Variants in CDIN1 observed in about 807,000 individuals in gnomAD.
The protein encoded by CDIN1 is CDAN1-interacting nuclease 1.
CDIN1 carries 33 observed loss-of-function variants against 45.3 expected under a neutral mutation model. The observed-to-expected ratio is 0.73, with a 90% CI of 0.55 to 0.97. The LOEUF is 0.97. Ranked by LOEUF, CDIN1 falls within the 50% of genes least tolerant of loss-of-function variation. The probability of loss-of-function intolerance (pLI) is 0.00; values close to 1 mark genes in which losing one functional copy is unlikely to be tolerated. For synonymous variants in CDIN1, 118 were observed against 124.4 expected, an observed-to-expected ratio of 0.95 and a Z score of 0.34; for missense variants, 303 against 339.4, an observed-to-expected ratio of 0.89 and a Z score of 0.84.
At chr15:36,675,066 A>C (rs557939058) in intron 5 of CDIN1, among the ~76,000 whole-genome samples, 6 of 152,044 alleles carry the variant, frequency 3.9e-5, no homozygotes, top group Non-Finnish European at 8.8e-5. Flanking sequence ...CCACTGAAAT[A>C]CTCCAAGCTC....
Position 36,713,813 on chromosome 15 carries a change from C to T in CDIN1, c.716+3852C>T, listed in dbSNP as rs79410935. On this transcript the variant is annotated intron_variant, in intron 10 of 10. Transcript: ENST00000566621. ...GGCTGACATCTCTTTGAGAAACCTT[C>T]CTGCCTTCTAGGATTGGGTTTGATG... Among the ~76,000 whole-genome samples the T allele has an allele frequency of 3.7e-3, 560 of 152,316 alleles. 8 individuals are homozygous for T. Among genetic ancestry groups the T allele is most frequent in the African/African-American group, 0.013 (534 of 41,570 alleles).
chr15:36,666,417 T>G (rs2041250986), intron 5 of CDIN1, among the ~76,000 whole-genome samples: 1 of 152,196 alleles, frequency 6.6e-6, no homozygotes, highest in South Asian at 2.1e-4. Context: ...TCTACTGATC[T>G]TTATCTGTAT....
At chr15:36,679,722 A>T (rs954794591) in intron 5 of CDIN1, among the ~76,000 whole-genome samples, 1 of 152,130 alleles carries the variant, frequency 6.6e-6, no homozygotes, top group Non-Finnish European at 1.5e-5. Context: ...TTATCTGGGG[A>T]TGCTTGCTCT....
In CDIN1 at chr15:36,645,260, C is replaced by G; in HGVS notation, c.185C>G (p.Ser62Trp). 6.4e-7 allele frequency: 1 copy of G among 1,553,290 alleles called. No individual in the cohort carries two copies. Among genetic ancestry groups the G allele is most frequent in the Non-Finnish European group, 8.7e-7 (1 of 1,147,558 alleles). The change falls in exon 3 of 11, where the codon TCG (serine) becomes TGG (tryptophan). Residue 62 changes from serine to tryptophan, a missense_variant. Physicochemically the swap from Ser to Trp is radical, Grantham distance 177. Transcript: ENST00000566621. ...IKRTHAKHHT[S>W]EAIESYYQRY... is the part of the protein sequence containing the mutation. ...AGAACACATGCCAAACATCATACTT[C>G]GGAAGCAATTGAAAGTTATTACCAG... is the stretch of plus-strand genomic sequence containing the variant.
intron 5 of CDIN1, among the ~76,000 whole-genome samples, chr15:36,670,640 G>A (rs965141671): frequency 6.6e-6 from 1 of 152,024 alleles, no homozygotes; most frequent in African/African-American, 2.4e-5. Flanking sequence ...CAAAAATGCT[G>A]GATGATCAGT....
intron 10 of CDIN1, among the ~76,000 whole-genome samples, chr15:36,717,277 C>T (rs1433775517): frequency 1.3e-5 from 2 of 152,040 alleles, no homozygotes; most frequent in Non-Finnish European, 2.9e-5. Flanking sequence ...GTGAGCATAC[C>T]TGCCACCCCT....
chr15:36,604,318 G>A (rs563894006), intron 1 of CDIN1, among the ~76,000 whole-genome samples: 18 of 149,674 alleles, frequency 1.2e-4, no homozygotes, highest in African/African-American at 3.7e-4. Context: ...ATAAATTTAA[G>A]TGTAATTTAT....
intron 4 of CDIN1, among the ~76,000 whole-genome samples, chr15:36,656,263 G>A (rs1049907618): frequency 1.3e-5 from 2 of 151,982 alleles, no homozygotes; most frequent in Non-Finnish European, 2.9e-5. Flanking sequence ...ATTTAATCAG[G>A]GGAAACTATA....
At chr15:36,614,900 A>G (rs11854811) in intron 1 of CDIN1, among the ~76,000 whole-genome samples, 24,585 of 152,152 alleles carry the variant, frequency 0.16, 2,311 homozygotes, top group African/African-American at 0.26. Flanking sequence ...TTTTTGTCCC[A>G]TCTCTACCCC....
At chr15:36,765,459 G>A (rs958630736) in intron 10 of CDIN1, among the ~76,000 whole-genome samples, 6 of 152,002 alleles carry the variant, frequency 3.9e-5, no homozygotes, top group African/African-American at 9.7e-5. Context: ...TAACCAACAC[G>A]GTAGGTGAGA....
At position 36,665,400 on chromosome 15, in the gene CDIN1, T is replaced by C. The variant is rs984623718; in HGVS notation, c.346+7495T>C. On this transcript the variant is annotated intron_variant, in intron 5 of 10. Coordinates refer to ENST00000566621, the MANE Select transcript of CDIN1 (RefSeq NM_001321759.2). ...TCTTGAAATTCAAAAATAATCTACC[T>C]TGGCTATTAATGTTGATATTTTACT... Among the ~76,000 whole-genome samples the C allele has an allele frequency of 9.2e-5, 14 of 152,180 alleles. 1 individual carries two copies. The highest frequency in any genetic ancestry group is 6.3e-3 in the Middle Eastern group (2 of 316).
Position 36,650,534 on chromosome 15 carries a change from C to G in CDIN1, c.213-3564C>G, listed in dbSNP as rs549837883. Among the ~76,000 whole-genome samples the G allele has an allele frequency of 1.4e-4, 22 of 151,946 alleles. No individual in the cohort carries two copies. In the East Asian group the frequency reaches 4.1e-3, roughly 28 times the overall value. ...CTTGGCTCACTGCAAACTCCACCTC[C>G]CAGGTTCAAGAGATTTTTGTGCCTC... On this transcript the variant is annotated intron_variant, in intron 3 of 10. Coordinates refer to ENST00000566621, the MANE Select transcript of CDIN1 (RefSeq NM_001321759.2).
At chr15:36,723,520 T>C (rs539542060) in intron 10 of CDIN1, among the ~76,000 whole-genome samples, 1 of 152,186 alleles carries the variant, frequency 6.6e-6, no homozygotes, top group Non-Finnish European at 1.5e-5. Flanking sequence ...CTAATTACCT[T>C]TCATTGGTTT....
chr15:36,586,115 AG>A (rs749196423), intron 1 of CDIN1, among the ~76,000 whole-genome samples: 17 of 152,082 alleles, frequency 1.1e-4, no homozygotes, highest in Non-Finnish European at 2.2e-4. Flanking sequence ...TCCGGCTCCT[AG>A]AACCTTCGAG....
chr15:36,777,234 A>C (rs540219542), intron 10 of CDIN1, among the ~76,000 whole-genome samples: 12 of 152,312 alleles, frequency 7.9e-5, no homozygotes, highest in African/African-American at 2.9e-4. Flanking sequence ...GTTGTGGCTA[A>C]TTAGTGACGG....
At chr15:36,701,816 T>C (rs2042656258) in intron 8 of CDIN1, among the ~76,000 whole-genome samples, 1 of 152,212 alleles carries the variant, frequency 6.6e-6, no homozygotes, top group Non-Finnish European at 1.5e-5. Flanking sequence ...GTGTAGCATT[T>C]GTGTATTACT....
At chr15:36,582,583 G>A (rs933684454) in intron 1 of CDIN1, among the ~76,000 whole-genome samples, 7 of 152,118 alleles carry the variant, frequency 4.6e-5, no homozygotes, top group Non-Finnish European at 8.8e-5. Context: ...TGAATACAGC[G>A]CAAAAGGAAA....
In CDIN1 at chr15:36,756,015, G is replaced by A. The variant is rs1686183793; in HGVS notation, c.716+46054G>A. On this transcript the variant is annotated intron_variant, in intron 10 of 10. Transcript: ENST00000566621. ...CACTTACCAGGTCTTTATCACCTCTGTGCTGAGTCCAGCAAGGAGAAGCGT... is the reference window on the plus strand; with the variant it reads ...CACTTACCAGGTCTTTATCACCTCTATGCTGAGTCCAGCAAGGAGAAGCGT... 6.6e-6 allele frequency: 3 copies of A among 455,622 alleles called. No individual in the cohort carries two copies. The Admixed American group carries it at 7.1e-5, about 11-fold the overall frequency. 28.2% of individuals were successfully genotyped at this position (455,622 alleles called of 1,614,324 possible).
intron 8 of CDIN1, chr15:36,701,884 C>T (rs1051355121): frequency 5.3e-5 from 31 of 584,894 alleles, no homozygotes; most frequent in South Asian, 3.1e-4. Flanking sequence ...TGAAGGATGT[C>T]CCTTGTCGTA....
Sources: allele counts gnomAD v4.1 joint callset (sites outside exome capture counted in the v4.1 genomes callset), GRCh38; gene constraint gnomAD v4.1.1; transcripts MANE v1.5; gene names NCBI Gene and HGNC (gene_info 2026-07-23, HGNC 2026-07-21).